TG: variants seen among roughly 807,000 people sequenced by gnomAD.
The protein encoded by TG is thyroid hormones.
Under a neutral mutation model 324.7 loss-of-function variants are expected in TG, and 270 were observed. The ratio of observed to expected loss-of-function variants is 0.83; its 90% CI spans 0.75 to 0.92. The LOEUF is 0.92. Among genes scored for constraint, TG ranks in the 40% least tolerant of loss-of-function variants. TG has a pLI of 0.00. For missense variants in TG, 3,591 were observed against 3,456.4 expected (o/e 1.04, Z -0.98); for synonymous variants, 1,401 against 1,327.0 (o/e 1.06, Z -1.21).
rs367767514 is a variant in TG at position 132,901,523 on chromosome 8, C to G, written c.3604C>G (p.Arg1202Gly). Reference sequence around the variant, plus strand: ...CAGCGGAGAAGAGGTGCCTGGGACGCGCGTGACCGGGGGCCAGCCCGCCTG... The same window carrying G: ...CAGCGGAGAAGAGGTGCCTGGGACGGGCGTGACCGGGGGCCAGCCCGCCTG... ...MDSGEEVPGT[R>G]VTGGQPACES... Residue 1202 changes from arginine (R) to glycine (G), a missense_variant, in exon 16 of 48, where the codon CGC becomes GGC. By Grantham distance (125) the Arg-to-Gly change is moderately radical (BLOSUM62 -2). Transcript: ENST00000220616. 3 of 1,613,672 alleles carry G rather than the reference C, an allele frequency of 1.9e-6. No homozygotes were observed. In the Admixed American group the frequency reaches 5.0e-5, roughly 27 times the overall value.
At chr8:133,080,197 T>C (rs1845535003) in intron 41 of TG, among the ~76,000 whole-genome samples, 1 of 151,952 alleles carries the variant, frequency 6.6e-6, no homozygotes, top group Non-Finnish European at 1.5e-5. Context: ...GGTACAAAAG[T>C]TTGGGGCTGG....
At chr8:132,930,506 C>A (rs1315509727) in intron 23 of TG, among the ~76,000 whole-genome samples, 1 of 152,044 alleles carries the variant, frequency 6.6e-6, no homozygotes, top group African/African-American at 2.4e-5. Flanking sequence ...CATGGTGAAA[C>A]CCCGTCTCTA....
intron 35 of TG, among the ~76,000 whole-genome samples, chr8:133,007,252 G>A (rs528688720): frequency 2.7e-4 from 41 of 152,078 alleles, no homozygotes; most frequent in Non-Finnish European, 5.3e-4. Context: ...CCGGGAGAAG[G>A]GGGAGGAGAG....
At chr8:132,965,413 C>T (rs368891171) in intron 29 of TG, among the ~76,000 whole-genome samples, 4 of 152,198 alleles carry the variant, frequency 2.6e-5, no homozygotes, top group East Asian at 3.9e-4. Flanking sequence ...TGGCTGCTGA[C>T]AAGCACTACA....
At chr8:133,068,558 A>G (rs1334916810) in intron 41 of TG, among the ~76,000 whole-genome samples, 1 of 152,164 alleles carries the variant, frequency 6.6e-6, no homozygotes, top group Non-Finnish European at 1.5e-5. Flanking sequence ...GAACATAGTC[A>G]TATGTGCCTT....
intron 10 of TG, among the ~76,000 whole-genome samples, chr8:132,891,066 T>A (rs995878162): frequency 1.3e-4 from 20 of 151,898 alleles, no homozygotes; most frequent in African/African-American, 4.6e-4. Flanking sequence ...GGAACAGAGG[T>A]ATGTACGTGG....
At chr8:133,048,943 T>C (rs1839938453) in intron 41 of TG, 1 of 316,394 alleles carries the variant, frequency 3.2e-6, no homozygotes, top group Admixed American at 4.0e-5. Context: ...CCTCTGGACA[T>C]GAAGAAGTAA....
chr8:132,962,754 G>A (rs1298518608), intron 28 of TG, among the ~76,000 whole-genome samples: 1 of 152,146 alleles, frequency 6.6e-6, no homozygotes. Flanking sequence ...TAACTCGAAA[G>A]GGCTTTGCGT....
chr8:132,966,239 A>C (rs1361322252), intron 29 of TG, among the ~76,000 whole-genome samples: 1 of 152,152 alleles, frequency 6.6e-6, no homozygotes, highest in Non-Finnish European at 1.5e-5. Context: ...CCAGGGGAAA[A>C]CTTCTGCATT....
intron 27 of TG, among the ~76,000 whole-genome samples, chr8:132,950,696 T>C (rs1174488991): frequency 6.6e-6 from 1 of 152,254 alleles, no homozygotes; most frequent in Non-Finnish European, 1.5e-5. Flanking sequence ...ACCACTTGTG[T>C]GACCTGGAGT....
chr8:132,960,943 C>T (rs756362633), intron 27 of TG, 65 bp from the exon 28 acceptor site: 19 of 1,477,048 alleles, frequency 1.3e-5, no homozygotes, highest in Non-Finnish European at 1.7e-5. Flanking sequence ...GGGGCTATTG[C>T]AGTAATGGTG....
chr8:132,917,380 G>A (rs574347054), intron 20 of TG, among the ~76,000 whole-genome samples: 1 of 130,612 alleles, frequency 7.7e-6, no homozygotes, highest in African/African-American at 2.4e-5. Context: ...GCATGTTTGT[G>A]CATGTATATG....
At chr8:132,925,598 A>C (rs778887247) in intron 22 of TG, among the ~76,000 whole-genome samples, 29 of 150,268 alleles carry the variant, frequency 1.9e-4, no homozygotes, top group Non-Finnish European at 3.7e-4. Flanking sequence ...TTTTTTCCCA[A>C]CATCCCTCTT....
chr8:132,937,848 G>A (rs1823833337), intron 25 of TG, among the ~76,000 whole-genome samples: 1 of 151,852 alleles, frequency 6.6e-6, no homozygotes, highest in Admixed American at 6.6e-5. Context: ...GTACTTTGGG[G>A]GAAAGTTACA....
Position 132,898,245 on chromosome 8 carries a change from G to C in TG, c.3216G>C (p.Gln1072His). 6.3e-7 allele frequency: 1 copy of C among 1,594,200 alleles called. No homozygotes were observed. Among genetic ancestry groups the C allele is most frequent in the Non-Finnish European group, 8.5e-7 (1 of 1,169,886 alleles). The change falls in exon 13 of 48, where the codon CAG (glutamine) becomes CAC (histidine). Residue 1072 changes from glutamine to histidine, a missense_variant and splice_region_variant. Coordinates refer to ENST00000220616, the MANE Select transcript of TG (RefSeq NM_003235.5). ...CTGCCCGCTCTCTGCAGATTCCACA[G>C]TGTAAGTGAAGACTGCAGAGTTCTC... The part of the protein sequence containing the change: ...SLTARSLQIP[Q>H]CPTTCEKSRT...
chr8:133,129,645 C>T lies in TG; in HGVS notation c.7863-2167C>T, dbSNP rs147062627. 6.8e-3 allele frequency among the ~76,000 whole-genome samples: 1,039 copies of T among 152,148 alleles called. 15 individuals are homozygous for T. The highest frequency in any genetic ancestry group is 0.023 in the African/African-American group (936 of 41,510). ...CCAAGTAGCTGGGACTATAGGCACA[C>T]GGCACCACACCCAGCTAATTTTTGT... is the stretch of plus-strand genomic sequence containing the variant. On this transcript the variant is annotated intron_variant, in intron 45 of 47. Transcript: ENST00000220616.
In TG at chr8:132,911,484, A is replaced by G. The variant is rs116572763; in HGVS notation, c.4110A>G (p.Ser1370=). 6.2e-7 allele frequency: 1 copy of G among 1,614,204 alleles called. No individual in the cohort carries two copies. The highest frequency in any genetic ancestry group is 8.5e-7 in the Non-Finnish European group (1 of 1,180,036). Residue 1370 remains serine, a synonymous_variant, in exon 19 of 48, where the codon TCA becomes TCG. Transcript: ENST00000220616. ...TAGGAGTGAATGTTACATGGAAATCACGGCTTGAGGACATCCCAGTGGCTT... is the reference window on the plus strand; with the variant it reads ...TAGGAGTGAATGTTACATGGAAATCGCGGCTTGAGGACATCCCAGTGGCTT... ...ERLGVNVTWK[S]RLEDIPVASL...
intron 16 of TG, 82 bp from the exon 17 acceptor site, chr8:132,906,603 GAGA>G (rs1818718122): frequency 6.6e-7 from 1 of 1,507,618 alleles, no homozygotes; most frequent in Admixed American, 1.7e-5. Flanking sequence ...CAGTGTGAGT[GAGA>G]AGGAGACACC....
intron 8 of TG, among the ~76,000 whole-genome samples, chr8:132,884,743 G>T (rs928067419): frequency 6.6e-6 from 1 of 152,168 alleles, no homozygotes; most frequent in Non-Finnish European, 1.5e-5. Context: ...TCTATCAAGT[G>T]CATAGATAGA....
Sources: allele counts gnomAD v4.1 joint callset (sites outside exome capture counted in the v4.1 genomes callset), GRCh38; gene constraint gnomAD v4.1.1; transcripts MANE v1.5; gene names NCBI Gene and HGNC (gene_info 2026-07-23, HGNC 2026-07-21).